Variants in TBCK observed in about 807,000 individuals in gnomAD.
TBCK encodes TBC1 domain containing kinase.
A neutral mutation model predicts 113.4 loss-of-function variants in TBCK; 99 were observed. The ratio of observed to expected loss-of-function variants is 0.87; its 90% CI spans 0.74 to 1.03. TBCK has a LOEUF of 1.03. TBCK is among the 50% of genes least tolerant of loss of function. TBCK has a pLI of 0.00. For synonymous variants in TBCK, 369 were observed against 370.8 expected (o/e 1.00, Z 0.05); for missense variants, 1,045 against 1,061.3 (o/e 0.98, Z 0.21).
intron 23 of TBCK, among the ~76,000 whole-genome samples, chr4:106,128,741 A>T (rs949054557): frequency 3.3e-5 from 5 of 152,296 alleles, no homozygotes; most frequent in African/African-American, 1.2e-4. Context: ...CAAAATCCTA[A>T]AATAAATCAT....
chr4:106,102,448 C>A (rs1025421116), intron 24 of TBCK, among the ~76,000 whole-genome samples: 4 of 152,114 alleles, frequency 2.6e-5, no homozygotes, highest in African/African-American at 9.7e-5. Flanking sequence ...TTTCAGGCAT[C>A]AAGTGAAGGT....
chr4:106,269,199 A>G (rs1171789238), intron 3 of TBCK, among the ~76,000 whole-genome samples: 1 of 152,174 alleles, frequency 6.6e-6, no homozygotes, highest in Admixed American at 6.5e-5. Context: ...ATGGAGAGGA[A>G]AAATAAAATG....
In TBCK at chr4:106,316,199, T is replaced by G; in HGVS notation, c.-298A>C. The G allele has an allele frequency of 4.9e-6, 1 of 203,638 alleles. No homozygotes were observed. Among genetic ancestry groups the G allele is most frequent in the Non-Finnish European group, 1.0e-5 (1 of 99,836 alleles). The allele number at this position is 203,638 out of a possible 1,614,324, so 12.6% of individuals were successfully genotyped here. On this transcript the variant is annotated 5_prime_UTR_variant, in exon 1 of 26. Coordinates refer to ENST00000394708, the MANE Select transcript of TBCK (RefSeq NM_001163435.3). ...CCTTCCCCAAACACAGATCCGAGCT[T>G]TTCACCCTCTACCCTCCCCTCAGCC...
chr4:106,120,616 T>A lies in TBCK; in HGVS notation c.2236-4238A>T, dbSNP rs1744200865. Among the ~76,000 whole-genome samples the A allele has an allele frequency of 7.9e-5, 12 of 152,294 alleles. No homozygotes were observed. The South Asian group carries it at 2.5e-3, about 32-fold the overall frequency. ...GGTTCTCTCAGCACGCAGCTGGAGA[T>A]CTGAGAACCAGCAGACTGTCTCCTC... On this transcript the variant is annotated intron_variant, in intron 23 of 25. Transcript: ENST00000394708.
chr4:106,087,596 G>T (rs1480839673), intron 25 of TBCK, among the ~76,000 whole-genome samples: 2 of 152,138 alleles, frequency 1.3e-5, no homozygotes, highest in Non-Finnish European at 1.5e-5. Flanking sequence ...AATTTCATAT[G>T]AAATCAAAGA....
At chr4:106,095,996 G>C (rs1008090783) in intron 24 of TBCK, among the ~76,000 whole-genome samples, 5 of 152,086 alleles carry the variant, frequency 3.3e-5, no homozygotes, top group African/African-American at 1.2e-4. Flanking sequence ...AAATTTTCTA[G>C]TCAGCTGCTG....
intron 25 of TBCK, among the ~76,000 whole-genome samples, chr4:106,058,770 C>T (rs188733029): frequency 1.7e-4 from 26 of 151,816 alleles, no homozygotes; most frequent in Admixed American, 1.4e-3. Context: ...GATATTTTAG[C>T]AACTAGTCAT....
chr4:106,222,962 T>C (rs1026014603), intron 19 of TBCK, among the ~76,000 whole-genome samples: 1 of 152,130 alleles, frequency 6.6e-6, no homozygotes, highest in Non-Finnish European at 1.5e-5. Flanking sequence ...TATCTTGCTC[T>C]AGCTAAAAAA....
chr4:106,230,359 T>C lies in TBCK; in HGVS notation c.1774+4A>G. 1 of 1,557,048 alleles carries C rather than the reference T, an allele frequency of 6.4e-7. No homozygotes were observed. The highest frequency in any genetic ancestry group is 1.2e-5 in the South Asian group (1 of 85,826). ...GTAGAAAGACATGGAAGACATTTGCTTACCTTGTATTACATGTGAGTTGTC... is the reference window on the plus strand; with the variant it reads ...GTAGAAAGACATGGAAGACATTTGCCTACCTTGTATTACATGTGAGTTGTC... On this transcript the variant is annotated splice_donor_region_variant and intron_variant, in intron 19 of 25. Transcript: ENST00000394708.
At chr4:106,183,985 A>G (rs1351674622) in intron 22 of TBCK, among the ~76,000 whole-genome samples, 1 of 152,060 alleles carries the variant, frequency 6.6e-6, no homozygotes, top group Admixed American at 6.6e-5. Context: ...AAAAAGAGCC[A>G]TTCTAAATAT....
chr4:106,117,186 T>C (rs1240534798), intron 23 of TBCK, among the ~76,000 whole-genome samples: 1 of 152,182 alleles, frequency 6.6e-6, no homozygotes, highest in Admixed American at 6.5e-5. Context: ...AAGATTTCCT[T>C]ATGAGAGTGC....
At chr4:106,054,497 A>T (rs1472950617) in intron 25 of TBCK, among the ~76,000 whole-genome samples, 1 of 151,706 alleles carries the variant, frequency 6.6e-6, no homozygotes, top group Non-Finnish European at 1.5e-5. Context: ...CCTCGTGTTA[A>T]CCTTATTTGA....
chr4:106,290,222 G>A (rs893572438), intron 3 of TBCK, among the ~76,000 whole-genome samples: 4 of 152,062 alleles, frequency 2.6e-5, no homozygotes, highest in Admixed American at 1.3e-4. Context: ...CTGTTGCCCA[G>A]GCTGGAGTGC....
chr4:106,287,506 A>G (rs1765233526), intron 3 of TBCK, among the ~76,000 whole-genome samples: 1 of 152,168 alleles, frequency 6.6e-6, no homozygotes, highest in Non-Finnish European at 1.5e-5. Flanking sequence ...TCTCCAACAC[A>G]GAATACAGTT....
chr4:106,222,459 T>C (rs892288891), intron 19 of TBCK, among the ~76,000 whole-genome samples: 1 of 152,182 alleles, frequency 6.6e-6, no homozygotes, highest in African/African-American at 2.4e-5. Context: ...AAGCCCTACA[T>C]ATAGGTATCC....
intron 23 of TBCK, among the ~76,000 whole-genome samples, chr4:106,139,659 T>C (rs1483901235): frequency 7.1e-6 from 1 of 141,372 alleles, no homozygotes; most frequent in Non-Finnish European, 1.6e-5. Context: ...AAAGGTTATG[T>C]ACATGCCACA....
At chr4:106,309,261 G>A (rs1228016547) in intron 1 of TBCK, among the ~76,000 whole-genome samples, 1 of 150,710 alleles carries the variant, frequency 6.6e-6, no homozygotes, top group Non-Finnish European at 1.5e-5. Context: ...AAAGAGTAGA[G>A]GAAGTTTGTT....
intron 20 of TBCK, among the ~76,000 whole-genome samples, chr4:106,203,424 C>T (rs1371518124): frequency 6.6e-6 from 1 of 151,460 alleles, no homozygotes; most frequent in East Asian, 1.9e-4. Flanking sequence ...CACAAAATGA[C>T]TTAAACATAT....
At position 106,295,259 on chromosome 4, in the gene TBCK, C is replaced by T. The variant is rs56313516; in HGVS notation, c.194-93G>A. 4.7e-3 allele frequency: 4,568 copies of T among 969,610 alleles called. 121 individuals carry two copies. The African/African-American group carries it at 0.061, about 13-fold the overall frequency. The allele number at this position is 969,610 out of a possible 1,614,324, so 60.1% of individuals were successfully genotyped here. On this transcript the variant is annotated intron_variant, in intron 2 of 25. Transcript: ENST00000394708. ...CTCCACTGATGATATTAATATATAACACCCATAACAATATTTTAAAAGAGC... is the reference window on the plus strand; with the variant it reads ...CTCCACTGATGATATTAATATATAATACCCATAACAATATTTTAAAAGAGC...
Sources: gnomAD v4.1 joint callset for allele counts (sites outside exome capture counted in the v4.1 genomes callset) on GRCh38, gnomAD v4.1.1 for gene constraint, MANE v1.5 for transcripts, NCBI Gene and HGNC (gene_info 2026-07-23, HGNC 2026-07-21) for gene names.